NPPC: variants seen among roughly 807,000 people sequenced by gnomAD.
NPPC encodes C-type natriuretic peptide.
Under a neutral mutation model 10.2 loss-of-function variants are expected in NPPC, and 4 were observed. The observed-to-expected ratio is 0.39, with a 90% CI of 0.19 to 0.90. NPPC has a LOEUF of 0.90. NPPC is among the 40% of genes least tolerant of loss of function. The probability of loss-of-function intolerance (pLI) is 0.37; values close to 1 mark genes in which losing one functional copy is unlikely to be tolerated. For synonymous variants in NPPC, 83 were observed against 87.3 expected (o/e 0.95, Z 0.27); for missense variants, 182 against 173.8 (o/e 1.05, Z -0.26).
At chr2:231,922,453 C>CA (rs1559474248) in intron 2 of NPPC, 138 bp from the exon 3 acceptor site, 1 of 152,288 alleles carries the variant, frequency 6.6e-6, no homozygotes, top group Non-Finnish European at 1.5e-5. Context: ...GCCACCCCCC[C>CA]AACCAGGCCT....
rs1055929614 is a variant in NPPC at position 231,925,742 on chromosome 2, A to G, written c.91-27T>C. ...TGTCCGAGGAAAGAGCGGGCAGGTG[A>G]AGGGACACGCGGCTGCAGCACGGGG... On this transcript the variant is annotated intron_variant, in intron 1 of 2. Transcript: ENST00000409852. 2.6e-6 allele frequency: 4 copies of G among 1,513,498 alleles called. No individual in the cohort carries two copies. In the African/African-American group the frequency reaches 5.5e-5, roughly 21 times the overall value. The allele number at this position is 1,513,498 out of a possible 1,614,324, so 93.8% of individuals were successfully genotyped here. A position where few individuals can be genotyped will look rare whatever the true frequency, so the allele number is the denominator to read the frequency against.
rs777178038 is a variant in NPPC at position 231,925,704 on chromosome 2, G to T, written c.102C>A (p.Thr34=). 1 of 1,571,948 alleles carries T rather than the reference G, an allele frequency of 6.4e-7. No individual in the cohort carries two copies. The highest frequency in any genetic ancestry group is 8.6e-7 in the Non-Finnish European group (1 of 1,163,230). The change falls in exon 2 of 3, where the codon ACC becomes ACA. Residue 34 remains threonine (T), a synonymous_variant. Transcript: ENST00000409852. ...GCTCGGCCAGCTCCTCTGCCGGCGG[G>T]GTTCGCGGGACCTGTCCGAGGAAAG... ...KPGAPPKVPR[T]PPAEELAEPQ... is the part of the protein sequence containing the mutation.
intron 2 of NPPC, among the ~76,000 whole-genome samples, chr2:231,925,040 C>T (rs1156545791): frequency 2.6e-5 from 4 of 152,166 alleles, no homozygotes; most frequent in Non-Finnish European, 5.9e-5. Flanking sequence ...GTGGGTGTAA[C>T]CTTCCTTCTC....
Position 231,922,083 on chromosome 2 carries a change from T to C in NPPC, c.*253A>G, listed in dbSNP as rs905374605. On this transcript the variant is annotated 3_prime_UTR_variant, in exon 3 of 3. Transcript: ENST00000409852. ...TGTAGGTGTGTGTGTTTCATGTATA[T>C]AATATATATATAATATATAACTTTT... 6.6e-6 allele frequency: 1 copy of C among 150,584 alleles called. No individual in the cohort carries two copies. Among genetic ancestry groups the C allele is most frequent in the Non-Finnish European group, 1.5e-5 (1 of 67,700 alleles). 9.3% of individuals were successfully genotyped at this position (150,584 alleles called of 1,614,324 possible). A position where few individuals can be genotyped will look rare whatever the true frequency, so the allele number is the denominator to read the frequency against.
chr2:231,925,377 G>A, intron 2 of NPPC, 28 bp downstream of exon 2: 1 of 1,512,830 alleles, frequency 6.6e-7, no homozygotes, highest in Non-Finnish European at 8.8e-7. Context: ...GCCGGGCTGG[G>A]GCTGGGCGTC....
chr2:231,922,344 C>T (rs1384382194), intron 2 of NPPC, 29 bp from the exon 3 acceptor site: 1 of 152,326 alleles, frequency 6.6e-6, no homozygotes, highest in East Asian at 1.9e-4. Context: ...ACGGGACGCT[C>T]AGTTCTGGCC....
At chr2:231,924,734 G>A (rs1223470493) in intron 2 of NPPC, among the ~76,000 whole-genome samples, 1 of 152,214 alleles carries the variant, frequency 6.6e-6, no homozygotes, top group East Asian at 1.9e-4. Context: ...GGTCGGGACA[G>A]GGTTGGTGAG....
chr2:231,925,938 C>T (rs1372596512), intron 1 of NPPC, among the ~76,000 whole-genome samples: 2 of 152,222 alleles, frequency 1.3e-5, no homozygotes, highest in Non-Finnish European at 2.9e-5. Context: ...GCCGGGCAGG[C>T]CACACTGGGG....
rs754532568 is a variant in NPPC at position 231,925,569 on chromosome 2, G to T, written c.237C>A (p.Thr79=). Residue 79 remains threonine, a synonymous_variant, in exon 2 of 3, where the codon ACC becomes ACA. Transcript: ENST00000409852. ...GGCGAGCCCACGCTGCCCGCGACTTGGTGTCCACGCGCAGGTCCCGGAGCA... is the reference window on the plus strand; with the variant it reads ...GGCGAGCCCACGCTGCCCGCGACTTTGTGTCCACGCGCAGGTCCCGGAGCA... ...SRLLRDLRVD[T]KSRAAWARLL... is the part of the protein sequence containing the mutation. The T allele has an allele frequency of 1.2e-6, 2 of 1,612,472 alleles. No homozygotes were observed. Among genetic ancestry groups the T allele is most frequent in the South Asian group, 1.1e-5 (1 of 90,960 alleles).
intron 1 of NPPC, 54 bp from the exon 2 acceptor site, chr2:231,925,769 A>T: frequency 2.8e-6 from 4 of 1,452,694 alleles, no homozygotes; most frequent in Non-Finnish European, 3.6e-6. Flanking sequence ...AGCACGGGGG[A>T]CTCTGATGCT....
chr2:231,926,155 C>T lies in NPPC; in HGVS notation c.90+5G>A, dbSNP rs949354951. The T allele has an allele frequency of 3.7e-5, 48 of 1,289,618 alleles. No individual in the cohort carries two copies. The highest frequency in any genetic ancestry group is 4.5e-5 in the Non-Finnish European group (46 of 1,018,780). 79.9% of individuals were successfully genotyped at this position (1,289,618 alleles called of 1,614,324 possible). On this transcript the variant is annotated splice_donor_5th_base_variant and intron_variant, in intron 1 of 2. Transcript: ENST00000409852. ...CAGGCTCGGCGTCCCCACGACAGCA[C>T]CCACCTTCGGCGGCGCCCCGGGCTT...
At chr2:231,925,995 G>C (rs1692002291) in intron 1 of NPPC, among the ~76,000 whole-genome samples, 165 bp downstream of exon 1, 1 of 152,280 alleles carries the variant, frequency 6.6e-6, no homozygotes, top group South Asian at 2.1e-4. Flanking sequence ...TGGAGAAGTG[G>C]ACCCCCGAAT....
intron 2 of NPPC, among the ~76,000 whole-genome samples, chr2:231,922,838 C>T (rs1160088822): frequency 6.6e-6 from 1 of 152,160 alleles, no homozygotes; most frequent in African/African-American, 2.4e-5. Flanking sequence ...ATAGCCACCT[C>T]CTAGGGCTGG....
Position 231,926,245 on chromosome 2 carries a change from T to C in NPPC, c.5A>G (p.His2Arg), listed in dbSNP as rs1692007342. ...GGCGCAGGCCAGCAGCTGGGAGAGATGCATGGTGCCGCTGGGGTCGAGGGG... is the reference window on the plus strand; with the variant it reads ...GGCGCAGGCCAGCAGCTGGGAGAGACGCATGGTGCCGCTGGGGTCGAGGGG... The part of the protein sequence containing the change: M[H>R]LSQLLACALL... Residue 2 changes from histidine to arginine, a missense_variant, in exon 1 of 3, where the codon CAT (histidine) becomes CGT (arginine). Transcript: ENST00000409852. The C allele has an allele frequency of 7.6e-7, 1 of 1,308,330 alleles. No individual in the cohort carries two copies. The highest frequency in any genetic ancestry group is 9.8e-7 in the Non-Finnish European group (1 of 1,025,436). The allele number at this position is 1,308,330 out of a possible 1,614,324, so 81.0% of individuals were successfully genotyped here.
intron 2 of NPPC, among the ~76,000 whole-genome samples, chr2:231,924,951 G>T (rs958764698): frequency 1.3e-5 from 2 of 152,184 alleles, no homozygotes; most frequent in Non-Finnish European, 2.9e-5. Context: ...GCAGAAGGGC[G>T]CTCTGACAGT....
At chr2:231,924,656 G>C (rs1247118601) in intron 2 of NPPC, among the ~76,000 whole-genome samples, 1 of 152,230 alleles carries the variant, frequency 6.6e-6, no homozygotes, top group South Asian at 2.1e-4. Flanking sequence ...GTGGCGGTAG[G>C]GCAGAGGTTT....
At chr2:231,925,344 G>C in intron 2 of NPPC, 61 bp downstream of exon 2, 2 of 1,365,200 alleles carry the variant, frequency 1.5e-6, no homozygotes, top group African/African-American at 3.0e-5. Context: ...TCCGAAGGCC[G>C]GCTGGGCGGC....
chr2:231,925,006 A>G (rs992305427), intron 2 of NPPC, among the ~76,000 whole-genome samples: 1 of 152,154 alleles, frequency 6.6e-6, no homozygotes, highest in Non-Finnish European at 1.5e-5. Context: ...GGTGGCCAGC[A>G]GATGATCGAT....
chr2:231,923,604 C>T (rs1023248490), intron 2 of NPPC, among the ~76,000 whole-genome samples: 1 of 152,182 alleles, frequency 6.6e-6, no homozygotes, highest in African/African-American at 2.4e-5. Flanking sequence ...AATAAAACAG[C>T]TGGTGTTGGG....
Sources: gnomAD v4.1 joint callset for allele counts (sites outside exome capture counted in the v4.1 genomes callset) on GRCh38, gnomAD v4.1.1 for gene constraint, MANE v1.5 for transcripts, NCBI Gene and HGNC (gene_info 2026-07-23, HGNC 2026-07-21) for gene names.